ENOX1: variants seen among roughly 807,000 people sequenced by gnomAD.
ENOX1 encodes the protein ecto-NOX disulfide-thiol exchanger 1.
Under a neutral mutation model 82.5 loss-of-function variants are expected in ENOX1, and 42 were observed. The observed-to-expected ratio is 0.51, with a 90% confidence interval of 0.40 to 0.66. The LOEUF (loss-of-function observed/expected upper bound fraction) is 0.66. ENOX1 is among the 30% of genes least tolerant of loss of function. ENOX1 has a pLI of 0.00. For synonymous variants in ENOX1, 271 were observed against 282.2 expected (o/e 0.96, Z 0.40); for missense variants, 608 against 811.6 (o/e 0.75, Z 3.05).
At chr13:43,451,086 C>T (rs2056940851) in intron 3 of ENOX1, among the ~76,000 whole-genome samples, 1 of 152,108 alleles carries the variant, frequency 6.6e-6, no homozygotes, top group Non-Finnish European at 1.5e-5. Context: ...GTTGGGACCA[C>T]ATTTTGAGTA....
intron 8 of ENOX1, among the ~76,000 whole-genome samples, chr13:43,351,078 C>T (rs776794660): frequency 1.8e-4 from 27 of 152,214 alleles, no homozygotes; most frequent in Non-Finnish European, 3.5e-4. Context: ...AAATTGCTCA[C>T]AGTGTACAGT....
chr13:43,684,225 C>T (rs2085951529), intron 1 of ENOX1, among the ~76,000 whole-genome samples: 2 of 151,962 alleles, frequency 1.3e-5, no homozygotes, highest in South Asian at 4.1e-4. Flanking sequence ...TCTTATTGCC[C>T]CTTTAAATTC....
At chr13:43,240,377 T>A (rs1237118563) in intron 14 of ENOX1, among the ~76,000 whole-genome samples, 2 of 152,154 alleles carry the variant, frequency 1.3e-5, no homozygotes, top group African/African-American at 4.8e-5. Context: ...AGTAGGTAGA[T>A]CATGGTAAGA....
At chr13:43,650,985 C>T (rs1024863083) in intron 2 of ENOX1, among the ~76,000 whole-genome samples, 1 of 152,116 alleles carries the variant, frequency 6.6e-6, no homozygotes, top group African/African-American at 2.4e-5. Flanking sequence ...GATCAGTGCA[C>T]GTCTGAATGC....
intron 2 of ENOX1, among the ~76,000 whole-genome samples, chr13:43,506,907 A>G (rs1394622169): frequency 1.3e-5 from 2 of 151,804 alleles, no homozygotes; most frequent in Admixed American, 1.3e-4. Flanking sequence ...TAATGGGTGC[A>G]GCACATCAAC....
chr13:43,217,193 G>T (rs1033131019), intron 16 of ENOX1, among the ~76,000 whole-genome samples: 1 of 152,156 alleles, frequency 6.6e-6, no homozygotes, highest in Non-Finnish European at 1.5e-5. Flanking sequence ...TCTGGCCCTG[G>T]GTGGGTGTGG....
At chr13:43,726,792 A>C (rs981065051) in intron 1 of ENOX1, among the ~76,000 whole-genome samples, 1 of 149,946 alleles carries the variant, frequency 6.7e-6, no homozygotes, top group African/African-American at 2.5e-5. Context: ...CCCAGGCTGG[A>C]GTTCAGTGGT....
At chr13:43,348,022 G>A (rs1367140225) in intron 8 of ENOX1, among the ~76,000 whole-genome samples, 3 of 152,052 alleles carry the variant, frequency 2.0e-5, no homozygotes, top group African/African-American at 4.8e-5. Flanking sequence ...CCTTCCATCC[G>A]TCCGTCCCCG....
Position 43,213,305 on chromosome 13 carries a change from A to G in ENOX1, c.*685T>C, listed in dbSNP as rs1303943028. On this transcript the variant is annotated 3_prime_UTR_variant, in exon 17 of 17. Transcript: ENST00000690772. ...CTTTATGAAAACTGTTATGCAGTCC[A>G]TGTTAAAAGAACTTATGATGGAGAA... is the stretch of plus-strand genomic sequence containing the variant. Among the ~76,000 whole-genome samples, 1 of 152,154 alleles carries G rather than the reference A, an allele frequency of 6.6e-6. No homozygotes were observed. Among genetic ancestry groups the G allele is most frequent in the East Asian group, 1.9e-4 (1 of 5,198 alleles).
intron 2 of ENOX1, among the ~76,000 whole-genome samples, chr13:43,596,128 G>A (rs1487234382): frequency 6.6e-6 from 1 of 152,136 alleles, no homozygotes; most frequent in Non-Finnish European, 1.5e-5. Flanking sequence ...TTTCTAAACT[G>A]CTAAAGATTA....
chr13:43,544,726 G>C (rs533824032), intron 2 of ENOX1: 1 of 152,230 alleles, frequency 6.6e-6, no homozygotes, highest in Non-Finnish European at 1.5e-5. Flanking sequence ...ACTACAAAGA[G>C]AACAAAAGTC....
At chr13:43,276,667 A>G (rs1269245293) in intron 12 of ENOX1, among the ~76,000 whole-genome samples, 2 of 152,228 alleles carry the variant, frequency 1.3e-5, no homozygotes, top group African/African-American at 4.8e-5. Flanking sequence ...ATTGTTAGAG[A>G]AAGTTTGAGA....
chr13:43,393,082 A>T (rs2052899284), intron 5 of ENOX1, among the ~76,000 whole-genome samples: 1 of 152,240 alleles, frequency 6.6e-6, no homozygotes, highest in African/African-American at 2.4e-5. Context: ...GAAATAATTC[A>T]TATAAAAAAG....
intron 1 of ENOX1, among the ~76,000 whole-genome samples, chr13:43,754,059 CATATATACGTAT>C: frequency 7.1e-6 from 1 of 140,200 alleles, no homozygotes; most frequent in South Asian, 2.2e-4. Context: ...CATATATATA[CATATATACGTAT>C]ATAAATACAC....
intron 14 of ENOX1, among the ~76,000 whole-genome samples, chr13:43,239,818 G>GTTTT (rs1391476381): frequency 6.6e-6 from 1 of 152,192 alleles, no homozygotes; most frequent in Non-Finnish European, 1.5e-5. Flanking sequence ...ATATGTTGTA[G>GTTTT]TTTTACCTTT....
At chr13:43,441,101 G>T (rs1054802267) in intron 3 of ENOX1, among the ~76,000 whole-genome samples, 1 of 152,106 alleles carries the variant, frequency 6.6e-6, no homozygotes, top group African/African-American at 2.4e-5. Flanking sequence ...CTGAAGATCT[G>T]TCCTACTGAT....
intron 12 of ENOX1, among the ~76,000 whole-genome samples, chr13:43,278,481 G>A (rs1319145715): frequency 6.6e-6 from 1 of 152,090 alleles, no homozygotes; most frequent in Non-Finnish European, 1.5e-5. Context: ...GGACCACTCT[G>A]AGAATTTTTA....
intron 5 of ENOX1, among the ~76,000 whole-genome samples, chr13:43,397,416 T>G (rs1287822435): frequency 1.3e-5 from 2 of 152,202 alleles, no homozygotes; most frequent in Admixed American, 6.5e-5. Flanking sequence ...AGGGTCCCCA[T>G]GGAGACTGGA....
chr13:43,334,557 A>G (rs2048590907), intron 9 of ENOX1, among the ~76,000 whole-genome samples: 2 of 152,018 alleles, frequency 1.3e-5, no homozygotes, highest in African/African-American at 4.8e-5. Context: ...AAGGGAGGCC[A>G]AGAAAGGCTT....
Sources: gnomAD v4.1 joint callset for allele counts (sites outside exome capture counted in the v4.1 genomes callset) on GRCh38, gnomAD v4.1.1 for gene constraint, MANE v1.5 for transcripts, NCBI Gene and HGNC (gene_info 2026-07-23, HGNC 2026-07-21) for gene names.